Variants in RHOU observed in about 807,000 individuals in gnomAD.
RHOU encodes rho-related GTP-binding protein RhoU.
In RHOU, 8 loss-of-function variants were observed where a neutral mutation model predicts 12.6. The ratio of observed to expected loss-of-function variants is 0.64; its 90% CI spans 0.37 to 1.15. RHOU has a LOEUF of 1.15. RHOU is among the 50% of genes most tolerant of loss of function. The pLI, the probability that RHOU is intolerant of heterozygous loss-of-function variation, is 0.01. For synonymous variants in RHOU, 161 were observed against 147.4 expected (o/e 1.09, Z -0.67); for missense variants, 258 against 347.0 (o/e 0.74, Z 2.04).
At chr1:228,682,919 G>T in the RHOU span, among the ~76,000 whole-genome samples, 1 of 152,274 alleles carries the variant, frequency 6.6e-6, no homozygotes, top group South Asian at 2.1e-4. Flanking sequence ...TGGAGATGTG[G>T]GGGTGAGTGG....
the RHOU span, among the ~76,000 whole-genome samples, chr1:228,720,912 C>T: frequency 1.3e-5 from 2 of 152,174 alleles, no homozygotes; most frequent in Non-Finnish European, 2.9e-5. Context: ...TATTAACCAG[C>T]GCTTTCCCCT....
At chr1:228,692,001 C>T in the RHOU span, among the ~76,000 whole-genome samples, 2 of 152,208 alleles carry the variant, frequency 1.3e-5, no homozygotes, top group Non-Finnish European at 2.9e-5. Flanking sequence ...TGAACTTCCT[C>T]TTTGACTGCA....
At chr1:228,678,273 G>T in the RHOU span, among the ~76,000 whole-genome samples, 1 of 152,160 alleles carries the variant, frequency 6.6e-6, no homozygotes, top group Non-Finnish European at 1.5e-5. Flanking sequence ...AGATTAGAAT[G>T]GGCCTGTGAG....
chr1:228,687,393 A>G, the RHOU span: 1 of 990,980 alleles, frequency 1.0e-6, no homozygotes, highest in Non-Finnish European at 1.6e-6. Flanking sequence ...GAAAAGGTAA[A>G]GGAAACCCCA....
chr1:228,650,082 A>G, the RHOU span: 1 of 411,804 alleles, frequency 2.4e-6, no homozygotes, highest in African/African-American at 2.1e-5. Context: ...AATCAGATTC[A>G]TAGAAAGAAC....
the RHOU span, among the ~76,000 whole-genome samples, chr1:228,710,721 A>G: frequency 1.3e-5 from 2 of 150,032 alleles, no homozygotes; most frequent in African/African-American, 4.9e-5. Context: ...ATGGGCAAAA[A>G]CTGGAAGCAT....
chr1:228,654,842 AGAT>A, the RHOU span, among the ~76,000 whole-genome samples: 1 of 152,218 alleles, frequency 6.6e-6, no homozygotes, highest in Admixed American at 6.5e-5. Context: ...ATGGGATACC[AGAT>A]GATAAAATTG....
At chr1:228,650,937 T>G in the RHOU span, 1 of 366,026 alleles carries the variant, frequency 2.7e-6, no homozygotes, top group East Asian at 9.0e-5. Flanking sequence ...ATGGCTGACA[T>G]TAGCTCTCAC....
At chr1:228,719,333 T>C in the RHOU span, among the ~76,000 whole-genome samples, 3 of 152,234 alleles carry the variant, frequency 2.0e-5, no homozygotes. Context: ...TATAAAATCG[T>C]GTGTTTTCCA....
At chr1:228,660,354 T>C in the RHOU span, among the ~76,000 whole-genome samples, 4 of 114,634 alleles carry the variant, frequency 3.5e-5, no homozygotes, top group Non-Finnish European at 7.8e-5. Flanking sequence ...CCGAAAAAAA[T>C]AAAAAAAAAA....
the RHOU span, among the ~76,000 whole-genome samples, chr1:228,673,767 A>G: frequency 6.6e-6 from 1 of 152,206 alleles, no homozygotes; most frequent in Non-Finnish European, 1.5e-5. Flanking sequence ...TATTTTCTTT[A>G]TAAATTACCT....
the RHOU span, among the ~76,000 whole-genome samples, chr1:228,685,419 G>T: frequency 6.6e-6 from 1 of 152,202 alleles, no homozygotes; most frequent in Non-Finnish European, 1.5e-5. Flanking sequence ...CTTGGAAACT[G>T]AAACTCAGAG....
At chr1:228,668,685 T>C in the RHOU span, among the ~76,000 whole-genome samples, 3 of 152,192 alleles carry the variant, frequency 2.0e-5, no homozygotes, top group Non-Finnish European at 4.4e-5. Context: ...AGCTTTGTCT[T>C]AGAATCGATA....
At chr1:228,684,566 T>C in the RHOU span, among the ~76,000 whole-genome samples, 18 of 152,210 alleles carry the variant, frequency 1.2e-4, no homozygotes, top group Non-Finnish European at 1.9e-4. Flanking sequence ...TGGGCTCAAG[T>C]GATCCACGTG....
the RHOU span, among the ~76,000 whole-genome samples, chr1:228,728,858 G>T: frequency 1.3e-5 from 2 of 151,532 alleles, no homozygotes; most frequent in Non-Finnish European, 2.9e-5. Context: ...CAATTACTCT[G>T]ACATCTAGCA....
At chr1:228,741,115 A>T (rs1390313014) in intron 2 of RHOU, among the ~76,000 whole-genome samples, 1 of 151,994 alleles carries the variant, frequency 6.6e-6, no homozygotes, top group Non-Finnish European at 1.5e-5. Context: ...ATCAAGTTGC[A>T]GCTAGACCAG....
intron 2 of RHOU, among the ~76,000 whole-genome samples, chr1:228,740,781 G>A (rs1662704944): frequency 6.6e-6 from 1 of 152,190 alleles, no homozygotes; most frequent in Admixed American, 6.5e-5. Context: ...TGGAGTGTGG[G>A]TTTCCCACAG....
chr1:228,707,182 AAT>A, the RHOU span, among the ~76,000 whole-genome samples: 1,998 of 93,190 alleles, frequency 0.021, 118 homozygotes, highest in Admixed American at 0.12. Context: ...ATATTAACAA[AAT>A]ATATATATAT....
the RHOU span, among the ~76,000 whole-genome samples, chr1:228,663,762 A>G: frequency 6.8e-6 from 1 of 147,084 alleles, no homozygotes; most frequent in Non-Finnish European, 1.5e-5. Context: ...CCTCCCACGT[A>G]GCTGGGATTA....
Sources: allele counts gnomAD v4.1 joint callset (sites outside exome capture counted in the v4.1 genomes callset), GRCh38; gene constraint gnomAD v4.1.1; transcripts MANE v1.5; gene names NCBI Gene and HGNC (gene_info 2026-07-23, HGNC 2026-07-21).